OPA1: variants seen among roughly 807,000 people sequenced by gnomAD.
The protein encoded by OPA1 is dynamin-like GTPase OPA1, mitochondrial.
OPA1 carries 59 observed loss-of-function variants against 152.9 expected under a neutral mutation model. The ratio of observed to expected loss-of-function variants is 0.39; its 90% CI spans 0.31 to 0.48. The LOEUF (loss-of-function observed/expected upper bound fraction) is 0.48. Ranked by LOEUF, OPA1 falls within the 20% of genes least tolerant of loss-of-function variation. OPA1 has a pLI of 0.96. For missense variants in OPA1, 1,008 were observed against 1,216.8 expected (o/e 0.83, Z 2.55); for synonymous variants, 400 against 389.9 (o/e 1.03, Z -0.31).
intron 29 of OPA1, among the ~76,000 whole-genome samples, chr3:193,688,563 C>T (rs1256901855): frequency 2.1e-5 from 3 of 142,922 alleles, no homozygotes; most frequent in Non-Finnish European, 3.0e-5. Context: ...CTGCAACCTC[C>T]GCCTCCCGAT....
intron 8 of OPA1, among the ~76,000 whole-genome samples, chr3:193,634,028 A>G (rs1354538684): frequency 6.6e-6 from 1 of 152,228 alleles, no homozygotes; most frequent in Non-Finnish European, 1.5e-5. Flanking sequence ...CTGTAAGGAT[A>G]GAACCATGAT....
chr3:193,650,618 A>G (rs1712166024), intron 21 of OPA1, among the ~76,000 whole-genome samples: 1 of 152,186 alleles, frequency 6.6e-6, no homozygotes, highest in African/African-American at 2.4e-5. Context: ...TGTTAAAAGC[A>G]TTTTATGTCA....
chr3:193,637,356 A>T, intron 10 of OPA1, 75 bp downstream of exon 10: 1 of 865,002 alleles, frequency 1.2e-6, no homozygotes, highest in South Asian at 1.4e-5. Flanking sequence ...AATTATGTGT[A>T]TATATGTACA....
At chr3:193,637,604 C>T (rs954175800) in intron 10 of OPA1, among the ~76,000 whole-genome samples, 4 of 151,788 alleles carry the variant, frequency 2.6e-5, no homozygotes, top group Non-Finnish European at 4.4e-5. Flanking sequence ...TAGCCATATG[C>T]GTGAAATTTA....
At chr3:193,671,702 T>C (rs576831450) in intron 29 of OPA1, among the ~76,000 whole-genome samples, 102 of 152,346 alleles carry the variant, frequency 6.7e-4, no homozygotes, top group African/African-American at 2.4e-3. Context: ...AGGAGAAATA[T>C]GATCTTTGTA....
intron 1 of OPA1, among the ~76,000 whole-genome samples, chr3:193,609,643 G>C (rs1372173569): frequency 6.6e-6 from 1 of 152,166 alleles, no homozygotes; most frequent in Non-Finnish European, 1.5e-5. Context: ...TTTCCAACTT[G>C]GTTCCATTCT....
At chr3:193,599,483 A>G (rs1205147266) in intron 1 of OPA1, among the ~76,000 whole-genome samples, 6 of 147,280 alleles carry the variant, frequency 4.1e-5, no homozygotes, top group African/African-American at 1.0e-4. Flanking sequence ...ACTTCATCCT[A>G]TGGAGTTTTG....
At chr3:193,680,141 C>G (rs934457389) in intron 29 of OPA1, among the ~76,000 whole-genome samples, 5 of 152,004 alleles carry the variant, frequency 3.3e-5, no homozygotes, top group African/African-American at 1.2e-4. Context: ...TTATTAAAAC[C>G]TACGATTTTT....
At chr3:193,616,311 G>A (rs1181189486) in intron 3 of OPA1, among the ~76,000 whole-genome samples, 2 of 152,078 alleles carry the variant, frequency 1.3e-5, no homozygotes, top group East Asian at 1.9e-4. Flanking sequence ...CCTGGCTTGA[G>A]TTTTTTTCTT....
rs1253188088 is a variant in OPA1 at position 193,638,145 on chromosome 3, G to T, written c.1149+80G>T. ...AGACCTGTTCATTGTGTTGAAATGA[G>T]GACTTTTAACCAAAGAAAGACTTGA... On this transcript the variant is annotated intron_variant, in intron 11 of 30. Transcript: ENST00000361510. 58 of 1,015,192 alleles carry T rather than the reference G, an allele frequency of 5.7e-5. 1 individual carries two copies. Among genetic ancestry groups the T allele is most frequent in the Non-Finnish European group, 7.4e-5 (48 of 645,878 alleles). 62.9% of individuals were successfully genotyped at this position (1,015,192 alleles called of 1,614,324 possible).
At chr3:193,668,763 T>G in intron 29 of OPA1, 1 of 1,237,524 alleles carries the variant, frequency 8.1e-7, no homozygotes, top group Non-Finnish European at 1.0e-6. Flanking sequence ...AGCTTGGCCC[T>G]ACTAATAATC....
intron 21 of OPA1, among the ~76,000 whole-genome samples, chr3:193,651,143 T>C (rs1025236721): frequency 3.3e-5 from 5 of 152,152 alleles, no homozygotes; most frequent in African/African-American, 1.2e-4. Flanking sequence ...ATTAACCATA[T>C]TCAGAAGCTT....
At chr3:193,646,069 T>G (rs1173632148) in intron 18 of OPA1, among the ~76,000 whole-genome samples, 2 of 51,170 alleles carry the variant, frequency 3.9e-5, no homozygotes, top group African/African-American at 1.3e-4. Flanking sequence ...CCTCTTACTT[T>G]ATTTTACTTA....
In OPA1 at chr3:193,664,889, A is replaced by G; in HGVS notation, c.2671A>G (p.Thr891Ala). The G allele has an allele frequency of 6.5e-7, 1 of 1,541,936 alleles. No individual in the cohort carries two copies. Among genetic ancestry groups the G allele is most frequent in the Non-Finnish European group, 9.0e-7 (1 of 1,114,904 alleles). The change falls in exon 27 of 31, where the codon ACT becomes GCT. Residue 891 changes from threonine (T) to alanine (A), a missense_variant. This residue lies in a region of OPA1 where 137 missense variants were observed against 171.0 expected (regional missense o/e 0.80). Transcript: ENST00000361510. ...VEVDPSLIKD[T>A]WHQVYRRHFL... ...TTTTTTCTCATTTTAGATTAAGGAT[A>G]CTTGGCATCAAGTTTATAGAAGACA...
chr3:193,630,603 G>A (rs540019952), intron 7 of OPA1, among the ~76,000 whole-genome samples: 39 of 152,190 alleles, frequency 2.6e-4, no homozygotes, highest in African/African-American at 9.4e-4. Context: ...AATGAATGAA[G>A]ATCAACAAGG....
At chr3:193,607,492 G>C (rs1727474594) in intron 1 of OPA1, among the ~76,000 whole-genome samples, 2 of 152,166 alleles carry the variant, frequency 1.3e-5, no homozygotes, top group African/African-American at 4.8e-5. Flanking sequence ...TGGCTAGCCA[G>C]TTTTCCCAGC....
In OPA1 at chr3:193,696,536, C is replaced by T. The variant is rs928389092; in HGVS notation, c.*1936C>T. On this transcript the variant is annotated 3_prime_UTR_variant, in exon 31 of 31. Coordinates refer to ENST00000361510, the MANE Select transcript of OPA1 (RefSeq NM_130837.3). The stretch of plus-strand genomic sequence containing the variant: ...TTTTTTTTTCTTCTTTTTAGCTGAT[C>T]TCATCCTAAGCATGCTTTATTTTTC... 4.6e-5 allele frequency: 7 copies of T among 151,974 alleles called. No individual in the cohort carries two copies. Among genetic ancestry groups the T allele is most frequent in the African/African-American group, 1.7e-4 (7 of 41,390 alleles). 9.4% of individuals were successfully genotyped at this position (151,974 alleles called of 1,614,324 possible).
chr3:193,676,785 C>G (rs974098764), intron 29 of OPA1, among the ~76,000 whole-genome samples: 25 of 152,174 alleles, frequency 1.6e-4, no homozygotes, highest in African/African-American at 5.8e-4. Context: ...TCCAGACCAT[C>G]CTGGCTAACA....
chr3:193,674,964 G>A (rs941663302), intron 29 of OPA1, among the ~76,000 whole-genome samples: 1 of 152,090 alleles, frequency 6.6e-6, no homozygotes, highest in African/African-American at 2.4e-5. Flanking sequence ...CCCGATTACC[G>A]TGTACCCGCC....
Sources: allele counts gnomAD v4.1 joint callset (sites outside exome capture counted in the v4.1 genomes callset), GRCh38; gene constraint gnomAD v4.1.1; regional missense constraint gnomAD v4.1.1; transcripts MANE v1.5; gene names NCBI Gene and HGNC (gene_info 2026-07-23, HGNC 2026-07-21).